The following ARHGAP24 variants were observed in gnomAD, a reference collection of about 807,000 sequenced individuals.
The protein encoded by ARHGAP24 is rho GTPase-activating protein 24.
Under a neutral mutation model 76.4 loss-of-function variants are expected in ARHGAP24, and 50 were observed. That is an observed-to-expected ratio of 0.65 (90% confidence interval 0.52 to 0.83). The LOEUF is 0.83. Among genes scored for constraint, ARHGAP24 ranks in the 40% least tolerant of loss-of-function variants. ARHGAP24 has a pLI of 0.00. For missense variants in ARHGAP24, 930 were observed against 914.2 expected, an observed-to-expected ratio of 1.02 and a Z score of -0.22; for synonymous variants, 345 against 323.3, an observed-to-expected ratio of 1.07 and a Z score of -0.72.
At chr4:85,805,070 A>C (rs1240475145) in intron 3 of ARHGAP24, among the ~76,000 whole-genome samples, 1 of 152,206 alleles carries the variant, frequency 6.6e-6, no homozygotes, top group Admixed American at 6.5e-5. Flanking sequence ...TTTGAGCTAC[A>C]AGTTTATAGC....
intron 9 of ARHGAP24, chr4:86,000,002 CTT>C (rs1740911222): frequency 6.0e-6 from 1 of 166,010 alleles, no homozygotes; most frequent in African/African-American, 2.4e-5. Context: ...AAACCCCATT[CTT>C]AGCAGTGAAC....
chr4:85,890,115 C>G (rs543401280), intron 3 of ARHGAP24, among the ~76,000 whole-genome samples: 3 of 152,164 alleles, frequency 2.0e-5, no homozygotes, highest in African/African-American at 7.2e-5. Flanking sequence ...ATCACTGGAC[C>G]GATGAAAGGT....
intron 2 of ARHGAP24, among the ~76,000 whole-genome samples, chr4:85,578,321 T>G (rs1727470739): frequency 6.6e-6 from 1 of 152,104 alleles, no homozygotes; most frequent in Non-Finnish European, 1.5e-5. Context: ...CTTTTGACTG[T>G]AGGAGGAAGA....
intron 3 of ARHGAP24, among the ~76,000 whole-genome samples, chr4:85,728,546 C>T (rs1474498093): frequency 1.3e-5 from 2 of 152,106 alleles, no homozygotes; most frequent in African/African-American, 2.4e-5. Context: ...GTTCTTTCTC[C>T]TGTTTCTATG....
chr4:85,762,384 C>G (rs145080819), intron 3 of ARHGAP24, among the ~76,000 whole-genome samples: 1 of 152,072 alleles, frequency 6.6e-6, no homozygotes, highest in South Asian at 2.1e-4. Flanking sequence ...GGAAAGACAG[C>G]GATTGAAGCA....
intron 3 of ARHGAP24, among the ~76,000 whole-genome samples, chr4:85,873,220 C>T (rs1732640516): frequency 6.6e-6 from 1 of 152,140 alleles, no homozygotes; most frequent in South Asian, 2.1e-4. Context: ...AATAAAGCAA[C>T]TTTTTCTAGC....
At chr4:85,593,557 C>A (rs985463639) in intron 2 of ARHGAP24, among the ~76,000 whole-genome samples, 1 of 152,038 alleles carries the variant, frequency 6.6e-6, no homozygotes, top group African/African-American at 2.4e-5. Context: ...AGAGTTTCCC[C>A]AATACTTCTT....
chr4:85,810,915 C>A (rs538066100), intron 3 of ARHGAP24, among the ~76,000 whole-genome samples: 1 of 152,150 alleles, frequency 6.6e-6, no homozygotes, highest in African/African-American at 2.4e-5. Context: ...AATCAAAACA[C>A]CCTCCATGTT....
intron 1 of ARHGAP24, among the ~76,000 whole-genome samples, chr4:85,525,830 C>A (rs1724966881): frequency 6.6e-6 from 1 of 152,124 alleles, no homozygotes; most frequent in Non-Finnish European, 1.5e-5. Flanking sequence ...GAGCCACAAC[C>A]TAGAGTTCTT....
At chr4:85,896,374 G>T (rs1734180879) in intron 3 of ARHGAP24, among the ~76,000 whole-genome samples, 1 of 152,064 alleles carries the variant, frequency 6.6e-6, no homozygotes, top group Non-Finnish European at 1.5e-5. Context: ...TATATCTCCT[G>T]TGGCCATATC....
chr4:85,886,546 C>T (rs1733577647), intron 3 of ARHGAP24, among the ~76,000 whole-genome samples: 1 of 152,068 alleles, frequency 6.6e-6, no homozygotes, highest in Non-Finnish European at 1.5e-5. Context: ...GAGTTGAGGC[C>T]ACCCAAACTT....
At chr4:85,655,907 A>C (rs1330544668) in intron 2 of ARHGAP24, among the ~76,000 whole-genome samples, 1 of 151,080 alleles carries the variant, frequency 6.6e-6, no homozygotes, top group Non-Finnish European at 1.5e-5. Flanking sequence ...ACGTGAATAA[A>C]ATATGTAAAG....
chr4:85,815,939 T>C lies in ARHGAP24; in HGVS notation c.268+93967T>C, dbSNP rs146232531. 8.9e-3 allele frequency among the ~76,000 whole-genome samples: 1,352 copies of C among 152,222 alleles called. 16 individuals carry two copies. Among genetic ancestry groups the C allele is most frequent in the African/African-American group, 0.031 (1,293 of 41,528 alleles). On this transcript the variant is annotated intron_variant, in intron 3 of 9. Coordinates refer to ENST00000395184, the MANE Select transcript of ARHGAP24 (RefSeq NM_001025616.3). ...ATCATGGTGGAAGGTGAAAGGCATG[T>C]CTCACATAGCGGCAGCAGGAAAGAA...
chr4:85,536,192 T>G (rs1725465186), intron 1 of ARHGAP24, among the ~76,000 whole-genome samples: 1 of 151,560 alleles, frequency 6.6e-6, no homozygotes, highest in Non-Finnish European at 1.5e-5. Flanking sequence ...TCAACTTACA[T>G]GACTAGACAC....
At chr4:85,905,269 C>T (rs976076665) in intron 3 of ARHGAP24, among the ~76,000 whole-genome samples, 5 of 152,034 alleles carry the variant, frequency 3.3e-5, no homozygotes, top group African/African-American at 1.2e-4. Context: ...GATTTACTAA[C>T]CAGCATTTTT....
At chr4:85,556,948 G>C (rs546883992) in intron 1 of ARHGAP24, among the ~76,000 whole-genome samples, 1 of 152,344 alleles carries the variant, frequency 6.6e-6, no homozygotes, top group South Asian at 2.1e-4. Context: ...AGCAGTAGCA[G>C]AGGTGGAGAC....
At chr4:85,908,374 C>A (rs1201863481) in intron 3 of ARHGAP24, among the ~76,000 whole-genome samples, 1 of 152,084 alleles carries the variant, frequency 6.6e-6, no homozygotes, top group Non-Finnish European at 1.5e-5. Context: ...TATATTATTT[C>A]TGTACTCATC....
At chr4:85,484,705 C>G (rs770874072) in intron 1 of ARHGAP24, among the ~76,000 whole-genome samples, 1 of 152,082 alleles carries the variant, frequency 6.6e-6, no homozygotes, top group South Asian at 2.1e-4. Flanking sequence ...CAAATTCCAC[C>G]TCCTGGGTTC....
chr4:85,899,489 A>G (rs75793819), intron 3 of ARHGAP24, among the ~76,000 whole-genome samples: 2,259 of 152,304 alleles, frequency 0.015, 56 homozygotes, highest in African/African-American at 0.051. Context: ...CAGAATCACC[A>G]AGGACAAATA....
Sources: allele counts gnomAD v4.1 joint callset (sites outside exome capture counted in the v4.1 genomes callset), GRCh38; gene constraint gnomAD v4.1.1; transcripts MANE v1.5; gene names NCBI Gene and HGNC (gene_info 2026-07-23, HGNC 2026-07-21).